The following TOR3A variants were observed in gnomAD, a reference collection of about 807,000 sequenced individuals.
TOR3A encodes torsin-3A.
A neutral mutation model predicts 42.1 loss-of-function variants in TOR3A; 44 were observed. The observed-to-expected ratio is 1.04, with a 90% CI of 0.82 to 1.34. TOR3A has a LOEUF of 1.34. Among genes scored for constraint, TOR3A ranks in the 40% most tolerant of loss-of-function variants. The pLI, the probability that TOR3A is intolerant of heterozygous loss-of-function variation, is 0.00. For missense variants in TOR3A, 521 were observed against 507.6 expected (o/e 1.03, Z -0.25); for synonymous variants, 227 against 213.2 (o/e 1.06, Z -0.57).
intron 1 of TOR3A, 96 bp downstream of exon 1, chr1:179,082,483 G>T (rs1003695415): frequency 8.9e-6 from 13 of 1,453,852 alleles, no homozygotes; most frequent in African/African-American, 2.9e-5. Flanking sequence ...GGCGACATCT[G>T]GGCCCGCAGT....
intron 4 of TOR3A, among the ~76,000 whole-genome samples, chr1:179,090,778 C>A (rs935534037): frequency 6.6e-6 from 1 of 152,168 alleles, no homozygotes; most frequent in Non-Finnish European, 1.5e-5. Context: ...CAGGAATGGG[C>A]TCACGTGGCA....
intron 1 of TOR3A, chr1:179,082,651 T>G (rs942706318): frequency 5.7e-6 from 4 of 705,448 alleles, no homozygotes; most frequent in Non-Finnish European, 1.0e-5. Context: ...GCTTTCCAGA[T>G]TCTCTCGCAC....
At position 179,085,767 on chromosome 1, in the gene TOR3A, A is replaced by G. The variant is rs1441242397; in HGVS notation, c.513A>G (p.Thr171=). The G allele has an allele frequency of 3.1e-6, 5 of 1,614,216 alleles. No individual in the cohort carries two copies. The highest frequency in any genetic ancestry group is 1.1e-5 in the South Asian group (1 of 91,090). ...LALSFHGWSG[T]GKNFVARMLV... is the part of the protein sequence containing the mutation. Reference sequence around the variant, plus strand: ...TGTCGTTCCACGGCTGGTCTGGCACAGGCAAGAACTTCGTGGCACGGATGC... The same window carrying G: ...TGTCGTTCCACGGCTGGTCTGGCACGGGCAAGAACTTCGTGGCACGGATGC... Residue 171 remains threonine (T), a synonymous_variant, in exon 3 of 6, where the codon ACA becomes ACG. Transcript: ENST00000367627.
In TOR3A at chr1:179,095,362, TA is replaced by T; in HGVS notation, c.*148del. ...CACTAACAAACACACAACTGGTGTG[TA>T]AAAGGCAGGCCTTACATTAGAAGCC... On this transcript the variant is annotated 3_prime_UTR_variant, in exon 6 of 6. Coordinates refer to ENST00000367627, the MANE Select transcript of TOR3A (RefSeq NM_022371.4). 4.0e-6 allele frequency: 6 copies of T among 1,503,224 alleles called. No individual in the cohort carries two copies. The highest frequency in any genetic ancestry group is 5.3e-6 in the Non-Finnish European group (6 of 1,135,028). 93.1% of individuals were successfully genotyped at this position (1,503,224 alleles called of 1,614,324 possible). A position where few individuals can be genotyped will look rare whatever the true frequency, so the allele number is the denominator to read the frequency against.
chr1:179,088,054 G>A lies in TOR3A; in HGVS notation c.783G>A (p.Arg261=), dbSNP rs762763851. The change falls in exon 4 of 6, where the codon AGG becomes AGA. Residue 261 remains arginine (R), a synonymous_variant. Transcript: ENST00000367627. ...AACGCCGGGCCCCTGAGGGCCACAG[G>A]GCTGAGTCTCCATGGACTATCTTTC... ...HLERRAPEGH[R]AESPWTIFLF... is the part of the protein sequence containing the mutation. The A allele has an allele frequency of 1.2e-6, 2 of 1,609,558 alleles. No individual in the cohort carries two copies. Among genetic ancestry groups the A allele is most frequent in the Admixed American group, 1.7e-5 (1 of 58,802 alleles).
intron 5 of TOR3A, among the ~76,000 whole-genome samples, chr1:179,094,496 T>C (rs1652680394): frequency 6.6e-6 from 1 of 152,172 alleles, no homozygotes; most frequent in Non-Finnish European, 1.5e-5. Flanking sequence ...TGCAAGACTT[T>C]ACCTAAAGGA....
intron 2 of TOR3A, among the ~76,000 whole-genome samples, chr1:179,083,398 CTT>C (rs530697099): frequency 1.4e-5 from 2 of 145,190 alleles, no homozygotes; most frequent in Non-Finnish European, 1.5e-5. Flanking sequence ...CCTTTCTTTT[CTT>C]TTTTTTTTTT....
intron 2 of TOR3A, among the ~76,000 whole-genome samples, chr1:179,083,398 C>CTTT (rs530697099): frequency 9.6e-5 from 14 of 145,258 alleles, no homozygotes; most frequent in African/African-American, 2.0e-4. Flanking sequence ...CCTTTCTTTT[C>CTTT]TTTTTTTTTT....
At chr1:179,092,341 GAA>G (rs1424801096) in intron 4 of TOR3A, among the ~76,000 whole-genome samples, 1 of 152,178 alleles carries the variant, frequency 6.6e-6, no homozygotes, top group Non-Finnish European at 1.5e-5. Context: ...GGTAAGGAGG[GAA>G]AGAGATGGAG....
chr1:179,084,833 G>A (rs1482791248), intron 2 of TOR3A, among the ~76,000 whole-genome samples: 2 of 152,194 alleles, frequency 1.3e-5, no homozygotes, highest in African/African-American at 2.4e-5. Flanking sequence ...TCCTGGTAGC[G>A]CCATCTCCAA....
intron 4 of TOR3A, among the ~76,000 whole-genome samples, chr1:179,093,019 A>G (rs1358862801): frequency 1.3e-5 from 2 of 152,174 alleles, no homozygotes; most frequent in Non-Finnish European, 2.9e-5. Context: ...GAGAGAAAGC[A>G]CGGGGAAGTG....
At position 179,095,855 on chromosome 1, in the gene TOR3A, A is replaced by T; in HGVS notation, c.*637A>T. 1 of 985,628 alleles carries T rather than the reference A, an allele frequency of 1.0e-6. No individual in the cohort carries two copies. 61.1% of individuals were successfully genotyped at this position (985,628 alleles called of 1,614,324 possible). On this transcript the variant is annotated 3_prime_UTR_variant, in exon 6 of 6. Transcript: ENST00000367627. ...AAAAGTACACAGAGGAAGATATTTT[A>T]CAAACCAGGTCAGTGTAGGCCAAGA...
intron 2 of TOR3A, 107 bp downstream of exon 2, chr1:179,083,160 C>T (rs1652341029): frequency 3.3e-6 from 2 of 613,306 alleles, no homozygotes; most frequent in Non-Finnish European, 5.3e-6. Context: ...CCCAGCCTCC[C>T]GACAAGCAGG....
chr1:179,082,719 C>G (rs767528375), intron 1 of TOR3A: 87 of 703,522 alleles, frequency 1.2e-4, no homozygotes, highest in Middle Eastern at 2.3e-4. Flanking sequence ...CTCTTGACAG[C>G]TCTAGGGAAC....
rs1342031241 is a variant in TOR3A at position 179,082,216 on chromosome 1, T to C, written c.88T>C (p.Trp30Arg). The change falls in exon 1 of 6, where the codon TGG becomes CGG. Residue 30 changes from tryptophan (W) to arginine (R), a missense_variant. Transcript: ENST00000367627. ...APEPRGASRP[W>R]EGTDEPGSAW... The stretch of plus-strand genomic sequence containing the variant: ...TGAGCCCCGCGGCGCCTCCAGGCCG[T>C]GGGAGGGAACCGACGAGCCGGGCTC... The C allele has an allele frequency of 6.6e-7, 1 of 1,511,240 alleles. No homozygotes were observed. Among genetic ancestry groups the C allele is most frequent in the African/African-American group, 1.4e-5 (1 of 69,296 alleles). 93.6% of individuals were successfully genotyped at this position (1,511,240 alleles called of 1,614,324 possible). A position where few individuals can be genotyped will look rare whatever the true frequency, so the allele number is the denominator to read the frequency against.
intron 5 of TOR3A, 145 bp downstream of exon 5, chr1:179,094,362 G>A: frequency 9.2e-7 from 1 of 1,089,458 alleles, no homozygotes; most frequent in South Asian, 1.9e-5. Context: ...TCAACCCTGG[G>A]TGGGCACAAG....
intron 4 of TOR3A, among the ~76,000 whole-genome samples, chr1:179,090,142 C>T (rs1024063668): frequency 6.6e-6 from 1 of 152,106 alleles, no homozygotes; most frequent in Non-Finnish European, 1.5e-5. Context: ...AAGCCGCCTG[C>T]CAGACTCCTC....
chr1:179,084,843 A>G (rs775836981), intron 2 of TOR3A, among the ~76,000 whole-genome samples: 43 of 152,172 alleles, frequency 2.8e-4, no homozygotes, highest in Non-Finnish European at 4.6e-4. Context: ...GCCATCTCCA[A>G]ATCCTACAAC....
At position 179,095,061 on chromosome 1, in the gene TOR3A, G is replaced by C. The variant is rs777384555; in HGVS notation, c.1037G>C (p.Cys346Ser). ...TTGGAGTACCGTCACGTGAGGCTGTGTGCACGGGATGCCTTCCTGAGCCAG... is the reference window on the plus strand; with the variant it reads ...TTGGAGTACCGTCACGTGAGGCTGTCTGCACGGGATGCCTTCCTGAGCCAG... ...LPLEYRHVRL[C>S]ARDAFLSQEL... Residue 346 changes from cysteine (C) to serine (S), a missense_variant, in exon 6 of 6, where the codon TGT becomes TCT. Transcript: ENST00000367627. The C allele has an allele frequency of 8.7e-6, 14 of 1,614,214 alleles. No homozygotes were observed. Among genetic ancestry groups the C allele is most frequent in the Middle Eastern group, 1.6e-4 (1 of 6,062 alleles).
Sources: allele counts gnomAD v4.1 joint callset (sites outside exome capture counted in the v4.1 genomes callset), GRCh38; gene constraint gnomAD v4.1.1; transcripts MANE v1.5; gene names NCBI Gene and HGNC (gene_info 2026-07-23, HGNC 2026-07-21).